ABHD12B: variants seen among roughly 807,000 people sequenced by gnomAD.
ABHD12B encodes protein ABHD12B.
ABHD12B carries 42 observed loss-of-function variants against 50.4 expected under a neutral mutation model. That is an observed-to-expected ratio of 0.83 (90% CI 0.65 to 1.08). The LOEUF is 1.08. Ranked by LOEUF, ABHD12B falls within the 50% of genes least tolerant of loss-of-function variation. The pLI is 0.00. For synonymous variants in ABHD12B, 167 were observed against 160.3 expected, an observed-to-expected ratio of 1.04 and a Z score of -0.32; for missense variants, 479 against 447.7, an observed-to-expected ratio of 1.07 and a Z score of -0.63.
rs2049791977 is a variant in ABHD12B, at chr14:50,872,115, G to A, written c.-60G>A. The A allele has an allele frequency of 2.6e-6, 3 of 1,171,444 alleles. No individual in the cohort carries two copies. Among genetic ancestry groups the A allele is most frequent in the Non-Finnish European group, 2.1e-6 (2 of 939,628 alleles). 72.6% of individuals were successfully genotyped at this position (1,171,444 alleles called of 1,614,324 possible). ...GTGCCGCCGGGGCGGGAAGGTCGCG[G>A]GCGGCTGCTCCGGACTGCAGCTCCC... On this transcript the variant is annotated 5_prime_UTR_variant, in exon 1 of 13. Coordinates refer to ENST00000337334, the MANE Select transcript of ABHD12B (RefSeq NM_001206673.2).
Position 50,897,052 on chromosome 14 carries a change from A to T in ABHD12B, c.781-4777A>T, listed in dbSNP as rs561395583. 2.6e-5 allele frequency among the ~76,000 whole-genome samples: 4 copies of T among 151,262 alleles called. No homozygotes were observed. In the South Asian group the frequency reaches 8.3e-4, roughly 32 times the overall value. On this transcript the variant is annotated intron_variant, in intron 9 of 12. Coordinates refer to ENST00000337334, the MANE Select transcript of ABHD12B (RefSeq NM_001206673.2). ...ATGTTGTTAGGTACATAAGCCTAAT[A>T]ATATTATGATTTAGTTTAGTTTTTT...
chr14:50,881,531 A>G, intron 4 of ABHD12B, 65 bp from the exon 5 acceptor site: 5 of 1,501,078 alleles, frequency 3.3e-6, no homozygotes, highest in Non-Finnish European at 4.5e-6. Flanking sequence ...AGTGATTTTT[A>G]TTGAATTTGT....
chr14:50,886,734 G>T, intron 8 of ABHD12B, 50 bp downstream of exon 8: 1 of 1,496,758 alleles, frequency 6.7e-7, no homozygotes, highest in Non-Finnish European at 9.2e-7. Context: ...AGATGGGAAA[G>T]TAAAAACAGT....
chr14:50,884,228 A>G (rs11157777), intron 5 of ABHD12B, among the ~76,000 whole-genome samples: 147,317 of 152,322 alleles, frequency 0.97, 71,434 homozygotes, highest in East Asian at 1. Context: ...TGAATTCTTA[A>G]GAGTAGGGTT....
At chr14:50,901,997 A>G (rs1264030612) in intron 10 of ABHD12B, 86 bp downstream of exon 10, 4 of 815,390 alleles carry the variant, frequency 4.9e-6, no homozygotes, top group Non-Finnish European at 7.6e-6. Context: ...GGATGGTGAC[A>G]TGAGACATCC....
chr14:50,892,558 ACAG>A (rs1225260732), intron 9 of ABHD12B: 7 of 985,344 alleles, frequency 7.1e-6, no homozygotes, highest in African/African-American at 5.2e-5. Context: ...GCCAACACTC[ACAG>A]CAGAAGTTAA....
At chr14:50,876,899 T>C (rs529534153) in intron 1 of ABHD12B, among the ~76,000 whole-genome samples, 1 of 152,332 alleles carries the variant, frequency 6.6e-6, no homozygotes, top group East Asian at 1.9e-4. Context: ...GAAAGGGACT[T>C]ACTTAATGGA....
intron 9 of ABHD12B, among the ~76,000 whole-genome samples, chr14:50,894,736 G>A (rs1300423472): frequency 1.3e-5 from 2 of 150,558 alleles, no homozygotes; most frequent in Non-Finnish European, 2.9e-5. Flanking sequence ...TCTGTGCCCA[G>A]TGCAACTCGT....
chr14:50,872,233 G>T lies in ABHD12B; in HGVS notation c.59G>T (p.Arg20Leu). The T allele has an allele frequency of 7.2e-7, 1 of 1,393,518 alleles. No homozygotes were observed. Among genetic ancestry groups the T allele is most frequent in the South Asian group, 1.5e-5 (1 of 65,050 alleles). The allele number at this position is 1,393,518 out of a possible 1,614,324, so 86.3% of individuals were successfully genotyped here. A position where few individuals can be genotyped will look rare whatever the true frequency, so the allele number is the denominator to read the frequency against. ...ASPEPPGPPARSCVAAWWDMV... is the reference protein window; with the variant it reads ...ASPEPPGPPALSCVAAWWDMV... Reference sequence around the variant, plus strand: ...CCCGAGCCGCCCGGGCCCCCAGCCCGTAGCTGCGTGGCCGCCTGGTGGGAC... The same window carrying T: ...CCCGAGCCGCCCGGGCCCCCAGCCCTTAGCTGCGTGGCCGCCTGGTGGGAC... Residue 20 changes from arginine to leucine, a missense_variant, in exon 1 of 13, where the codon CGT (arginine) becomes CTT (leucine). By Grantham distance (102) the Arg-to-Leu change is moderately radical. Transcript: ENST00000337334.
chr14:50,880,322 TG>T, intron 3 of ABHD12B, 129 bp from the exon 4 acceptor site: 1 of 980,630 alleles, frequency 1.0e-6, no homozygotes, highest in Non-Finnish European at 1.3e-6. Context: ...TTTTTATTTT[TG>T]CCATGTGCAT....
chr14:50,901,822 A>C lies in ABHD12B; in HGVS notation c.781-7A>C. 6.3e-7 allele frequency: 1 copy of C among 1,581,290 alleles called. No individual in the cohort carries two copies. Among genetic ancestry groups the C allele is most frequent in the Non-Finnish European group, 8.6e-7 (1 of 1,167,476 alleles). On this transcript the variant is annotated splice_polypyrimidine_tract_variant and splice_region_variant and intron_variant, in intron 9 of 12. Transcript: ENST00000337334. ...AATATTAATTTTTTTTTCTTTTTTAAAAATAGATTTACCGGAACATTCCAG... is the reference window on the plus strand; with the variant it reads ...AATATTAATTTTTTTTTCTTTTTTACAAATAGATTTACCGGAACATTCCAG...
intron 9 of ABHD12B, chr14:50,893,154 C>T (rs1341460208): frequency 6.6e-6 from 1 of 152,198 alleles, no homozygotes; most frequent in African/African-American, 2.4e-5. Context: ...ATTAACCATG[C>T]TTAAATTTGT....
At position 50,872,264 on chromosome 14, in the gene ABHD12B, C is replaced by A. The variant is rs2049795782; in HGVS notation, c.90C>A (p.Val30=). ...RSCVAAWWDM[V]DRNLRYFPHS... The stretch of plus-strand genomic sequence containing the variant: ...GCGTGGCCGCCTGGTGGGACATGGT[C>A]GACCGCAACCTGCGGTGAGTACCGC... Residue 30 remains valine, a synonymous_variant, in exon 1 of 13, where the codon GTC becomes GTA. Coordinates refer to ENST00000337334, the MANE Select transcript of ABHD12B (RefSeq NM_001206673.2). The A allele has an allele frequency of 1.5e-6, 2 of 1,375,982 alleles. No homozygotes were observed. The highest frequency in any genetic ancestry group is 1.6e-5 in the South Asian group (1 of 61,284). The allele number at this position is 1,375,982 out of a possible 1,614,324, so 85.2% of individuals were successfully genotyped here. A position where few individuals can be genotyped will look rare whatever the true frequency, so the allele number is the denominator to read the frequency against.
intron 5 of ABHD12B, among the ~76,000 whole-genome samples, chr14:50,883,065 C>G (rs1271895388): frequency 6.6e-6 from 1 of 152,096 alleles, no homozygotes; most frequent in South Asian, 2.1e-4. Flanking sequence ...CTCCTCACTC[C>G]CTGCTGCATG....
At position 50,882,373 on chromosome 14, in the gene ABHD12B, C is replaced by CTTTTTTTTTTTTTTTTTTTTTTT. The variant is rs386381352; in HGVS notation, c.486+768_486+769insTTTTTTTTTTTTTTTTTTTTTTT. ...ATAGGCTAAAGACACAGAATGTCTG[C>CTTTTTTTTTTTTTTTTTTTTTTT]TTTTTTTTTTTTTTTTTTTTTGAGA... On this transcript the variant is annotated intron_variant, in intron 5 of 12. Coordinates refer to ENST00000337334, the MANE Select transcript of ABHD12B (RefSeq NM_001206673.2). Among the ~76,000 whole-genome samples, 10 of 81,834 alleles carry CTTTTTTTTTTTTTTTTTTTTTTT rather than the reference C, an allele frequency of 1.2e-4. 2 individuals carry two copies. Among genetic ancestry groups the CTTTTTTTTTTTTTTTTTTTTTTT allele is most frequent in the African/African-American group, 5.2e-4 (10 of 19,318 alleles). The allele number at this position is 81,834 out of a possible 152,430, so 53.7% of individuals were successfully genotyped here.
chr14:50,884,593 T>C (rs1438438812), intron 5 of ABHD12B, among the ~76,000 whole-genome samples: 4 of 152,226 alleles, frequency 2.6e-5, no homozygotes, highest in Non-Finnish European at 5.9e-5. Flanking sequence ...GGGGATAATA[T>C]CTACTTTACA....
At chr14:50,894,224 C>T (rs2050161749) in intron 9 of ABHD12B, among the ~76,000 whole-genome samples, 2 of 150,846 alleles carry the variant, frequency 1.3e-5, no homozygotes, top group Non-Finnish European at 2.9e-5. Context: ...GGGCAAGTAC[C>T]CCTCAACCCC....
intron 9 of ABHD12B, chr14:50,892,535 A>T: frequency 1.0e-6 from 1 of 985,458 alleles, no homozygotes; most frequent in Non-Finnish European, 1.2e-6. Context: ...TCATCTAAGA[A>T]TAAGGAGAAG....
At chr14:50,891,265 T>C (rs2050112612) in intron 9 of ABHD12B, 1 of 151,202 alleles carries the variant, frequency 6.6e-6, no homozygotes, top group East Asian at 2.0e-4. Flanking sequence ...TTTTTTGAGG[T>C]AGAGTCTGGC....
Sources: gnomAD v4.1 joint callset for allele counts (sites outside exome capture counted in the v4.1 genomes callset) on GRCh38, gnomAD v4.1.1 for gene constraint, MANE v1.5 for transcripts, NCBI Gene and HGNC (gene_info 2026-07-23, HGNC 2026-07-21) for gene names.